The following LTBP1 variants were observed in gnomAD, a reference collection of about 807,000 sequenced individuals.
LTBP1 encodes the protein latent-transforming growth factor beta-binding protein 1.
LTBP1 carries 129 observed loss-of-function variants against 207.6 expected under a neutral mutation model. The observed-to-expected ratio is 0.62, with a 90% confidence interval of 0.54 to 0.72. LTBP1 has a LOEUF of 0.72. Among genes scored for constraint, LTBP1 ranks in the 30% least tolerant of loss-of-function variants. The pLI is 0.00. For synonymous variants in LTBP1, 963 were observed against 833.7 expected (o/e 1.16, Z -2.67); for missense variants, 2,281 against 2,217.2 (o/e 1.03, Z -0.58).
chr2:33,228,697 C>CTTTTTTTTTTT (rs1244221993), intron 9 of LTBP1, among the ~76,000 whole-genome samples: 2,578 of 98,752 alleles, frequency 0.026, 524 homozygotes, highest in African/African-American at 0.055. Flanking sequence ...GGGTTATACC[C>CTTTTTTTTTTT]TTTTTTTTTT....
intron 9 of LTBP1, among the ~76,000 whole-genome samples, chr2:33,237,375 T>G (rs941578648): frequency 1.3e-5 from 2 of 152,216 alleles, no homozygotes; most frequent in Admixed American, 1.3e-4. Flanking sequence ...GTCTGTGTTT[T>G]GTGTAAAATA....
intron 2 of LTBP1, among the ~76,000 whole-genome samples, chr2:32,975,621 T>TTTTTTTTG (rs1558461916): frequency 3.4e-5 from 3 of 87,172 alleles, no homozygotes; most frequent in African/African-American, 1.2e-4. Flanking sequence ...TTTTTTTTTT[T>TTTTTTTTG]GTCTGACTGG....
At chr2:33,302,987 A>G (rs1248360558) in intron 22 of LTBP1, among the ~76,000 whole-genome samples, 1 of 141,684 alleles carries the variant, frequency 7.1e-6, no homozygotes, top group Non-Finnish European at 1.6e-5. Flanking sequence ...ACACACACAA[A>G]CACACACAAA....
intron 23 of LTBP1, among the ~76,000 whole-genome samples, chr2:33,310,693 G>A (rs2094172840): frequency 6.6e-6 from 1 of 152,126 alleles, no homozygotes; most frequent in Admixed American, 6.5e-5. Flanking sequence ...GTGAAATTAA[G>A]TGATTTCTCT....
In LTBP1 at chr2:32,947,713, C is replaced by A. The variant is rs755289368; in HGVS notation, c.389C>A (p.Pro130Gln). The A allele has an allele frequency of 4.6e-6, 7 of 1,532,926 alleles. No individual in the cohort carries two copies. Among genetic ancestry groups the A allele is most frequent in the Middle Eastern group, 1.7e-4 (1 of 5,802 alleles). The allele number at this position is 1,532,926 out of a possible 1,614,324, so 95.0% of individuals were successfully genotyped here. Reference sequence around the variant, plus strand: ...CCCGGCGGCCACCCGGCAGCCGCCCCGTTCACCAAACAAGGCAGGCAAGTT... The same window carrying A: ...CCCGGCGGCCACCCGGCAGCCGCCCAGTTCACCAAACAAGGCAGGCAAGTT... ...PNPGGHPAAA[P>Q]FTKQGRQVVR... is the part of the protein sequence containing the mutation. The change falls in exon 1 of 34, where the codon CCG becomes CAG. Residue 130 changes from proline to glutamine, a missense_variant. By Grantham distance (76) the Pro-to-Gln change is moderately conservative (BLOSUM62 -1). Coordinates refer to ENST00000404816, the MANE Select transcript of LTBP1 (RefSeq NM_206943.4).
chr2:33,353,859 CCTT>C (rs796835091), intron 26 of LTBP1, among the ~76,000 whole-genome samples: 21 of 113,134 alleles, frequency 1.9e-4, no homozygotes, highest in African/African-American at 5.0e-4. Context: ...TGCATGTACG[CCTT>C]TTTTTTTTTT....
At chr2:33,291,563 A>G (rs1224438279) in intron 19 of LTBP1, 1 of 152,210 alleles carries the variant, frequency 6.6e-6, no homozygotes, top group African/African-American at 2.4e-5. Flanking sequence ...GATTCCCACA[A>G]CCAAGGAAAG....
chr2:32,964,320 T>A (rs1240289147), intron 2 of LTBP1, among the ~76,000 whole-genome samples: 1 of 152,248 alleles, frequency 6.6e-6, no homozygotes, highest in East Asian at 1.9e-4. Flanking sequence ...GCTGGTTTGC[T>A]TGTCCTGTGA....
intron 7 of LTBP1, among the ~76,000 whole-genome samples, chr2:33,191,860 A>G (rs2087925485): frequency 6.6e-6 from 1 of 152,228 alleles, no homozygotes; most frequent in Non-Finnish European, 1.5e-5. Flanking sequence ...TTGCTATGAG[A>G]GGTCATATAC....
At chr2:33,118,235 G>A (rs1354869277) in intron 4 of LTBP1, among the ~76,000 whole-genome samples, 2 of 151,354 alleles carry the variant, frequency 1.3e-5, no homozygotes, top group East Asian at 1.9e-4. Flanking sequence ...AACTGTCTTT[G>A]GGATTGGCTT....
In LTBP1 at chr2:33,275,086, C is replaced by G; in HGVS notation, c.2865C>G (p.Cys955Trp). The stretch of plus-strand genomic sequence containing the variant: ...TGGCCAGTGAGGAGGGTACTAACTG[C>G]ATAGGTAATGGCAGCATTCTTCCTG... ...GFMASEEGTNCIDVDECLRPD... is the reference protein window; with the variant it reads ...GFMASEEGTNWIDVDECLRPD... Residue 955 changes from cysteine to tryptophan, a missense_variant, in exon 17 of 34, where the codon TGC (cysteine) becomes TGG (tryptophan). Physicochemically the swap from Cys to Trp is radical, Grantham distance 215 (BLOSUM62 -2). Transcript: ENST00000404816. 6.2e-7 allele frequency: 1 copy of G among 1,613,790 alleles called. No individual in the cohort carries two copies. The highest frequency in any genetic ancestry group is 8.5e-7 in the Non-Finnish European group (1 of 1,179,802).
intron 4 of LTBP1, among the ~76,000 whole-genome samples, chr2:33,119,793 C>G (rs1424435664): frequency 6.6e-6 from 1 of 152,154 alleles, no homozygotes; most frequent in Non-Finnish European, 1.5e-5. Flanking sequence ...CTCCCGACCT[C>G]GTGATCCTCC....
intron 5 of LTBP1, among the ~76,000 whole-genome samples, chr2:33,185,474 T>C (rs2087100290): frequency 6.6e-6 from 1 of 152,062 alleles, no homozygotes; most frequent in African/African-American, 2.4e-5. Context: ...AAATAAAAAT[T>C]TGGGTGACAT....
chr2:33,241,084 T>G (rs752627501), intron 9 of LTBP1, among the ~76,000 whole-genome samples: 1 of 152,176 alleles, frequency 6.6e-6, no homozygotes, highest in Non-Finnish European at 1.5e-5. Flanking sequence ...ATCTAATCTC[T>G]AATTTGTAGT....
chr2:33,171,054 A>G (rs2085391062), intron 5 of LTBP1, among the ~76,000 whole-genome samples: 1 of 143,898 alleles, frequency 6.9e-6, no homozygotes, highest in African/African-American at 2.6e-5. Flanking sequence ...AACCACAAAG[A>G]TGGGGAAAAA....
chr2:33,116,766 A>C (rs1172404437), intron 4 of LTBP1, among the ~76,000 whole-genome samples: 8 of 151,752 alleles, frequency 5.3e-5, no homozygotes, highest in African/African-American at 1.9e-4. Context: ...ATTTCCAAAC[A>C]CACAGTACCA....
chr2:33,275,968 G>T, intron 18 of LTBP1, 45 bp downstream of exon 18: 4 of 1,518,096 alleles, frequency 2.6e-6, no homozygotes, highest in Non-Finnish European at 3.5e-6. Context: ...GTGATGTGCA[G>T]GGTTGGTAGG....
At chr2:33,155,712 T>C (rs2083921482) in intron 5 of LTBP1, among the ~76,000 whole-genome samples, 2 of 152,232 alleles carry the variant, frequency 1.3e-5, no homozygotes, top group African/African-American at 2.4e-5. Flanking sequence ...ACTGCACTTC[T>C]GGTGTTTCAA....
At chr2:33,087,891 T>A (rs1238409720) in intron 3 of LTBP1, among the ~76,000 whole-genome samples, 1 of 152,210 alleles carries the variant, frequency 6.6e-6, no homozygotes, top group Non-Finnish European at 1.5e-5. Flanking sequence ...GGATTTGACT[T>A]AAACATACAA....
Sources: allele counts gnomAD v4.1 joint callset (sites outside exome capture counted in the v4.1 genomes callset), GRCh38; gene constraint gnomAD v4.1.1; transcripts MANE v1.5; gene names NCBI Gene and HGNC (gene_info 2026-07-23, HGNC 2026-07-21).